The following NEGR1 variants were observed in gnomAD, a reference collection of about 807,000 sequenced individuals.
NEGR1 encodes the protein neuronal growth regulator 1, also known as IgLON family member 4.
In NEGR1, 10 loss-of-function variants were observed where a neutral mutation model predicts 40.9. That is an observed-to-expected ratio of 0.24 (90% confidence interval 0.15 to 0.42). The LOEUF is 0.42. Among genes scored for constraint, NEGR1 ranks in the 10% least tolerant of loss-of-function variants. The probability of loss-of-function intolerance (pLI) is 1.00; values close to 1 mark genes in which losing one functional copy is unlikely to be tolerated. For synonymous variants in NEGR1, 185 were observed against 166.8 expected (o/e 1.11, Z -0.84); for missense variants, 352 against 438.9 (o/e 0.80, Z 1.77).
intron 1 of NEGR1, among the ~76,000 whole-genome samples, chr1:72,063,419 A>G (rs957662338): frequency 2.6e-5 from 4 of 151,952 alleles, no homozygotes; most frequent in African/African-American, 9.7e-5. Flanking sequence ...CGTAATGGAA[A>G]TAAAAGTGAA....
chr1:72,087,751 CT>C (rs1194408394), intron 1 of NEGR1, among the ~76,000 whole-genome samples: 1,683 of 95,056 alleles, frequency 0.018, 30 homozygotes, highest in African/African-American at 0.057. Context: ...TGCCACTGTG[CT>C]TTTTTTTTTT....
At chr1:71,529,229 C>T (rs10218623) in intron 6 of NEGR1, among the ~76,000 whole-genome samples, 6,115 of 151,016 alleles carry the variant, frequency 0.04, 409 homozygotes, top group African/African-American at 0.14. Flanking sequence ...AATGGTTTGC[C>T]GAATTAATGT....
At chr1:71,868,249 A>G (rs990379780) in intron 2 of NEGR1, among the ~76,000 whole-genome samples, 2 of 152,168 alleles carry the variant, frequency 1.3e-5, no homozygotes, top group African/African-American at 4.8e-5. Flanking sequence ...AGTAACTACA[A>G]TACATGGAAA....
At chr1:71,765,576 C>G (rs925858246) in intron 3 of NEGR1, among the ~76,000 whole-genome samples, 4 of 151,952 alleles carry the variant, frequency 2.6e-5, no homozygotes, top group African/African-American at 9.7e-5. Flanking sequence ...ATCTAATATG[C>G]CTCCACATCT....
chr1:72,211,597 C>CATTTTATTTT (rs1188376265), intron 1 of NEGR1, among the ~76,000 whole-genome samples: 2 of 150,286 alleles, frequency 1.3e-5, no homozygotes, highest in Admixed American at 1.3e-4. Context: ...CAATGGCATT[C>CATTTTATTTT]ATTTTATTTT....
At position 72,153,474 on chromosome 1, in the gene NEGR1, T is replaced by C. The variant is rs576849661; in HGVS notation, c.176+128845A>G. ...CTAAAATTTGGAGAAATATTATTAT[T>C]ATCATATGTTTGAATATATACAAAT... On this transcript the variant is annotated intron_variant, in intron 1 of 6. Coordinates refer to ENST00000357731, the MANE Select transcript of NEGR1 (RefSeq NM_173808.3). Among the ~76,000 whole-genome samples, 330 of 152,092 alleles carry C rather than the reference T, an allele frequency of 2.2e-3. 1 individual carries two copies. The highest frequency in any genetic ancestry group is 7.5e-3 in the African/African-American group (310 of 41,562).
chr1:72,164,143 T>G (rs1651689553), intron 1 of NEGR1, among the ~76,000 whole-genome samples: 1 of 152,108 alleles, frequency 6.6e-6, no homozygotes, highest in Middle Eastern at 3.4e-3. Flanking sequence ...TTCCTTCAGC[T>G]TTGGGAGGAA....
At position 72,028,092 on chromosome 1, in the gene NEGR1, C is replaced by T. The variant is rs187894038; in HGVS notation, c.177-92781G>A. Among the ~76,000 whole-genome samples, 83 of 152,254 alleles carry T rather than the reference C, an allele frequency of 5.5e-4. No homozygotes were observed. In the Middle Eastern group the frequency reaches 0.014, roughly 25 times the overall value. On this transcript the variant is annotated intron_variant, in intron 1 of 6. Transcript: ENST00000357731. ...ATCCTAAAAATTGACTTCCCAAATC[C>T]GCCCAGTTAGCCTAACCAATTATCT...
intron 2 of NEGR1, among the ~76,000 whole-genome samples, chr1:71,803,868 T>G (rs750875391): frequency 6.6e-6 from 1 of 152,162 alleles, no homozygotes; most frequent in Non-Finnish European, 1.5e-5. Flanking sequence ...TTCACTTCAG[T>G]GCCTAGAATA....
chr1:71,546,873 C>T (rs357232), intron 6 of NEGR1, among the ~76,000 whole-genome samples: 2,756 of 151,726 alleles, frequency 0.018, 84 homozygotes, highest in African/African-American at 0.063. Context: ...CCTGCATTAT[C>T]TACTGTCAGT....
intron 1 of NEGR1, among the ~76,000 whole-genome samples, chr1:72,030,249 C>T (rs982831419): frequency 1.1e-4 from 17 of 151,586 alleles, no homozygotes; most frequent in Non-Finnish European, 2.5e-4. Context: ...AGCTGCAGTG[C>T]CGTGGTGCAA....
At chr1:71,934,408 T>A (rs535945239) in intron 2 of NEGR1, among the ~76,000 whole-genome samples, 1 of 152,210 alleles carries the variant, frequency 6.6e-6, no homozygotes, top group Admixed American at 6.6e-5. Context: ...TGAAAGTAAA[T>A]CAAATATAAA....
At chr1:71,589,858 C>T (rs532899722) in intron 6 of NEGR1, among the ~76,000 whole-genome samples, 6 of 152,066 alleles carry the variant, frequency 3.9e-5, no homozygotes, top group Admixed American at 2.0e-4. Context: ...AAAATCCTTC[C>T]GTAACTCTCC....
At chr1:72,141,540 G>A (rs530930529) in intron 1 of NEGR1, among the ~76,000 whole-genome samples, 1 of 151,928 alleles carries the variant, frequency 6.6e-6, no homozygotes, top group Non-Finnish European at 1.5e-5. Context: ...TCAAATGGGA[G>A]CACCACTCAA....
At chr1:71,967,111 A>T (rs968864506) in intron 1 of NEGR1, among the ~76,000 whole-genome samples, 1 of 152,180 alleles carries the variant, frequency 6.6e-6, no homozygotes, top group Non-Finnish European at 1.5e-5. Context: ...AGAAAGAAAC[A>T]AAGATTTCTT....
chr1:72,191,492 T>A (rs1305625098), intron 1 of NEGR1, among the ~76,000 whole-genome samples: 1 of 151,794 alleles, frequency 6.6e-6, no homozygotes, highest in African/African-American at 2.4e-5. Context: ...CTGGTTTTTG[T>A]TAATCCCATA....
chr1:71,734,106 C>T (rs1421465029), intron 3 of NEGR1, among the ~76,000 whole-genome samples: 2 of 152,150 alleles, frequency 1.3e-5, no homozygotes, highest in Admixed American at 1.3e-4. Flanking sequence ...CCAAACATTA[C>T]CTAGGACCCT....
chr1:71,730,217 G>T (rs1654813303), intron 3 of NEGR1, among the ~76,000 whole-genome samples: 1 of 152,022 alleles, frequency 6.6e-6, no homozygotes, highest in South Asian at 2.1e-4. Context: ...TATTTGTTCA[G>T]ATAAGTAGAT....
chr1:72,084,078 T>C (rs1648111029), intron 1 of NEGR1, among the ~76,000 whole-genome samples: 1 of 152,196 alleles, frequency 6.6e-6, no homozygotes. Flanking sequence ...CCTACTGATC[T>C]TTTCATCGTC....
Sources: gnomAD v4.1 joint callset for allele counts (sites outside exome capture counted in the v4.1 genomes callset) on GRCh38, gnomAD v4.1.1 for gene constraint, MANE v1.5 for transcripts, NCBI Gene and HGNC (gene_info 2026-07-23, HGNC 2026-07-21) for gene names.